Variants in FAM83G observed in about 807,000 individuals in gnomAD.
FAM83G encodes the protein scaffolding CK1 anchoring protein G.
Under a neutral mutation model 61.5 loss-of-function variants are expected in FAM83G, and 38 were observed. The ratio of observed to expected loss-of-function variants is 0.62; its 90% confidence interval spans 0.48 to 0.81. FAM83G has a LOEUF of 0.81. FAM83G is among the 30% of genes least tolerant of loss of function. The pLI is 0.00. For missense variants in FAM83G, 989 were observed against 1,133.6 expected, an observed-to-expected ratio of 0.87 and a Z score of 1.83; for synonymous variants, 470 against 476.1, an observed-to-expected ratio of 0.99 and a Z score of 0.17.
chr17:18,977,661 C>A lies in FAM83G; in HGVS notation c.2005G>T (p.Ala669Ser), dbSNP rs1009729866. Residue 669 changes from alanine to serine, a missense_variant, in exon 5 of 6, where the codon GCC becomes TCC. Coordinates refer to ENST00000388995, the MANE Select transcript of FAM83G (RefSeq NM_001039999.3). ...FVGPQGGSPW[A>S]QSRGREEADA... ...GCTTCTTCTCTTCCCCGACTCTGGG[C>A]CCATGGGGAGCCACCCTGGGGTCCA... 1 of 1,610,146 alleles carries A rather than the reference C, an allele frequency of 6.2e-7. No homozygotes were observed. The highest frequency in any genetic ancestry group is 1.3e-5 in the African/African-American group (1 of 74,928).
chr17:18,969,343 G>T lies in FAM83G; in HGVS notation c.*2016C>A, dbSNP rs1437485538. 1.7e-5 allele frequency: 28 copies of T among 1,613,130 alleles called. No individual in the cohort carries two copies. The highest frequency in any genetic ancestry group is 2.7e-5 in the African/African-American group (2 of 74,906). Reference sequence around the variant, plus strand: ...CAGCAACCTTGCTTCCACTGGCAGGGGGCCTGGCTGCTGTAATCTACACGG... The same window carrying T: ...CAGCAACCTTGCTTCCACTGGCAGGTGGCCTGGCTGCTGTAATCTACACGG... On this transcript the variant is annotated 3_prime_UTR_variant, in exon 6 of 6. Transcript: ENST00000388995.
chr17:18,988,287 T>C lies in FAM83G; in HGVS notation c.650A>G (p.His217Arg), dbSNP rs1212275392. Reference sequence around the variant, plus strand: ...GTGCATGCAGGCCCGCTCACACATGTGCAGGAAGTACTTGACGTTACTCTC... The same window carrying C: ...GTGCATGCAGGCCCGCTCACACATGCGCAGGAAGTACTTGACGTTACTCTC... ...VDESNVKYFL[H>R]MCERACMHLG... The change falls in exon 3 of 6, where the codon CAC becomes CGC. Residue 217 changes from histidine (H) to arginine (R), a missense_variant. This residue lies in a region of FAM83G where 371 missense variants were observed against 404.5 expected (regional missense o/e 0.92). Coordinates refer to ENST00000388995, the MANE Select transcript of FAM83G (RefSeq NM_001039999.3). 1 of 1,614,018 alleles carries C rather than the reference T, an allele frequency of 6.2e-7. No individual in the cohort carries two copies.
At chr17:18,995,402 T>G (rs1434460582) in intron 2 of FAM83G, among the ~76,000 whole-genome samples, 1 of 152,116 alleles carries the variant, frequency 6.6e-6, no homozygotes, top group Non-Finnish European at 1.5e-5. Context: ...TTAGTGAACT[T>G]GAAGACATGT....
chr17:18,969,320 G>A lies in FAM83G; in HGVS notation c.*2039C>T, dbSNP rs1308399968. On this transcript the variant is annotated 3_prime_UTR_variant, in exon 6 of 6. Transcript: ENST00000388995. ...CTCCCTGGGGCCAGGGCCCCCTCCA[G>A]CAACCTTGCTTCCACTGGCAGGGGG... The A allele has an allele frequency of 5.0e-6, 8 of 1,611,682 alleles. No homozygotes were observed. The highest frequency in any genetic ancestry group is 6.8e-6 in the Non-Finnish European group (8 of 1,179,110).
intron 3 of FAM83G, among the ~76,000 whole-genome samples, chr17:18,980,833 C>CCTGAGGT (rs982874666): frequency 2.6e-5 from 4 of 152,124 alleles, no homozygotes; most frequent in African/African-American, 9.7e-5. Flanking sequence ...ACTCAGGAGG[C>CCTGAGGT]CTGAGGTCAG....
In FAM83G at chr17:18,971,150, G is replaced by A. The variant is rs765378838; in HGVS notation, c.*209C>T. 2 of 1,614,038 alleles carry A rather than the reference G, an allele frequency of 1.2e-6. No individual in the cohort carries two copies. The highest frequency in any genetic ancestry group is 8.5e-7 in the Non-Finnish European group (1 of 1,180,038). ...CATGTTTCGAGACCCCCACACAGGGGACCTGCCGTGGACCGGGATGACCTT... is the reference window on the plus strand; with the variant it reads ...CATGTTTCGAGACCCCCACACAGGGAACCTGCCGTGGACCGGGATGACCTT... On this transcript the variant is annotated 3_prime_UTR_variant, in exon 6 of 6. Transcript: ENST00000388995. This position sits in a 1 kb window ranked among gnomAD's most constrained non-coding sequence, Gnocchi z 5.5.
intron 2 of FAM83G, among the ~76,000 whole-genome samples, chr17:19,002,903 A>G (rs2043767156): frequency 6.6e-6 from 1 of 152,080 alleles, no homozygotes; most frequent in Non-Finnish European, 1.5e-5. Context: ...GACTCACTCC[A>G]CTTCCACAGA....
At position 18,969,345 on chromosome 17, in the gene FAM83G, G is replaced by C; in HGVS notation, c.*2014C>G. The stretch of plus-strand genomic sequence containing the variant: ...GCAACCTTGCTTCCACTGGCAGGGG[G>C]CCTGGCTGCTGTAATCTACACGGAC... On this transcript the variant is annotated 3_prime_UTR_variant, in exon 6 of 6. Coordinates refer to ENST00000388995, the MANE Select transcript of FAM83G (RefSeq NM_001039999.3). 2 of 1,613,226 alleles carry C rather than the reference G, an allele frequency of 1.2e-6. No individual in the cohort carries two copies. The highest frequency in any genetic ancestry group is 1.7e-6 in the Non-Finnish European group (2 of 1,179,898).
In FAM83G at chr17:18,969,707, G is replaced by A. The variant is rs1567783794; in HGVS notation, c.*1652C>T. ...ACTCAGGGCCAGCCACACCCGCATT[G>A]GCTCAGCGCTTGATGGTGAGGTGGG... On this transcript the variant is annotated 3_prime_UTR_variant, in exon 6 of 6. Coordinates refer to ENST00000388995, the MANE Select transcript of FAM83G (RefSeq NM_001039999.3). 2.6e-6 allele frequency: 1 copy of A among 389,460 alleles called. No individual in the cohort carries two copies. The highest frequency in any genetic ancestry group is 7.3e-5 in the South Asian group (1 of 13,670). 24.1% of individuals were successfully genotyped at this position (389,460 alleles called of 1,614,324 possible).
rs547074917 is a variant in FAM83G at position 18,981,074 on chromosome 17, C to T, written c.691-1401G>A. ...CATTCACATAGTCATCAACCCCTGC[C>T]GAGGCCTCCAGCTGCAGAGATGCCT... is the stretch of plus-strand genomic sequence containing the variant. On this transcript the variant is annotated intron_variant, in intron 3 of 5. Coordinates refer to ENST00000388995, the MANE Select transcript of FAM83G (RefSeq NM_001039999.3). 7.0e-4 allele frequency among the ~76,000 whole-genome samples: 106 copies of T among 152,338 alleles called. 1 individual carries two copies. The highest frequency in any genetic ancestry group is 2.4e-3 in the African/African-American group (100 of 41,566).
chr17:18,971,515 A>G lies in FAM83G; in HGVS notation c.2316T>C (p.Asp772=), dbSNP rs371955365. 84 of 1,613,840 alleles carry G rather than the reference A, an allele frequency of 5.2e-5. No homozygotes were observed. The highest frequency in any genetic ancestry group is 1.6e-4 in the Middle Eastern group (1 of 6,084). The change falls in exon 6 of 6, where the codon GAT becomes GAC. Residue 772 remains aspartate (D), a synonymous_variant. Coordinates refer to ENST00000388995, the MANE Select transcript of FAM83G (RefSeq NM_001039999.3). The surrounding 1 kb of genome is among the most constrained non-coding windows in gnomAD (Gnocchi z 5.5). The part of the protein sequence containing the change: ...RLAQNARPMT[D]GRATEEHPSP... Reference sequence around the variant, plus strand: ...TCGGATGCTCCTCGGTGGCCCTGCCATCGGTCATGGGGCGGGCATTTTGGG... The same window carrying G: ...TCGGATGCTCCTCGGTGGCCCTGCCGTCGGTCATGGGGCGGGCATTTTGGG...
At position 18,978,774 on chromosome 17, in the gene FAM83G, G is replaced by A. The variant is rs200114724; in HGVS notation, c.892C>T (p.Arg298Trp). The change falls in exon 5 of 6, where the codon CGG (arginine) becomes TGG (tryptophan). Residue 298 changes from arginine to tryptophan, a missense_variant. Arg to Trp is a moderately radical substitution (Grantham distance 101). Around this residue, in one of 3 missense-constraint regions of FAM83G, gnomAD observed 44 missense variants for 83.9 expected, o/e 0.52. Transcript: ENST00000388995. Reference sequence around the variant, plus strand: ...ATGAGGTACAGCTCCTGGAACTGCCGGTCAAACATCTCCACCACCTGGCCA... The same window carrying A: ...ATGAGGTACAGCTCCTGGAACTGCCAGTCAAACATCTCCACCACCTGGCCA... Reference protein sequence around the residue: ...LSGQVVEMFDRQFQELYLMSH... With the variant: ...LSGQVVEMFDWQFQELYLMSH... The A allele has an allele frequency of 1.1e-4, 181 of 1,612,842 alleles. No individual in the cohort carries two copies. The highest frequency in any genetic ancestry group is 1.1e-3 in the Admixed American group (63 of 59,990).
chr17:18,999,887 G>C (rs1269550199), intron 2 of FAM83G, among the ~76,000 whole-genome samples: 2 of 152,238 alleles, frequency 1.3e-5, no homozygotes, highest in African/African-American at 4.8e-5. Context: ...TCCCTGCCCT[G>C]GGGCCTCACC....
At position 18,977,667 on chromosome 17, in the gene FAM83G, G is replaced by A. The variant is rs745395779; in HGVS notation, c.1999C>T (p.Pro667Ser). The A allele has an allele frequency of 1.9e-6, 3 of 1,610,432 alleles. No homozygotes were observed. The highest frequency in any genetic ancestry group is 8.5e-7 in the Non-Finnish European group (1 of 1,179,942). The change falls in exon 5 of 6, where the codon CCA (proline) becomes TCA (serine). Residue 667 changes from proline to serine, a missense_variant. Around this residue, in one of 3 missense-constraint regions of FAM83G, gnomAD observed 574 missense variants for 645.1 expected, o/e 0.89. Coordinates refer to ENST00000388995, the MANE Select transcript of FAM83G (RefSeq NM_001039999.3). Reference protein sequence around the residue: ...GTFVGPQGGSPWAQSRGREEA... With the variant: ...GTFVGPQGGSSWAQSRGREEA... ...TCTCTTCCCCGACTCTGGGCCCATG[G>A]GGAGCCACCCTGGGGTCCAACAAAG... is the stretch of plus-strand genomic sequence containing the variant.
chr17:18,976,766 T>C (rs2042989739), intron 5 of FAM83G: 17 of 1,530,488 alleles, frequency 1.1e-5, no homozygotes, highest in Non-Finnish European at 1.3e-5. Flanking sequence ...TCGTGCCTCA[T>C]GCCCATTCCC....
At position 19,003,277 on chromosome 17, in the gene FAM83G, G is replaced by C. The variant is rs184620003; in HGVS notation, c.522+243C>G. ...CAGAAACACCCTCCAACAATAAAGA[G>C]GCCCTTTGAGACGGGGCAGCCCACT... On this transcript the variant is annotated intron_variant, in intron 2 of 5. Transcript: ENST00000388995. This position sits in a 1 kb window ranked among gnomAD's most constrained non-coding sequence, Gnocchi z 4.5. Among the ~76,000 whole-genome samples the C allele has an allele frequency of 7.2e-4, 109 of 151,664 alleles. 3 individuals are homozygous for C. The South Asian group carries it at 0.012, about 17-fold the overall frequency.
At chr17:18,983,386 G>A (rs900820170) in intron 3 of FAM83G, among the ~76,000 whole-genome samples, 1 of 152,280 alleles carries the variant, frequency 6.6e-6, no homozygotes, top group African/African-American at 2.4e-5. Flanking sequence ...CACCAGGACA[G>A]CCTGTGCTGG....
Position 19,003,467 on chromosome 17 carries a change from G to A in FAM83G, c.522+53C>T. 9 of 1,495,960 alleles carry A rather than the reference G, an allele frequency of 6.0e-6. No individual in the cohort carries two copies. Among genetic ancestry groups the A allele is most frequent in the Non-Finnish European group, 8.0e-6 (9 of 1,122,530 alleles). 92.7% of individuals were successfully genotyped at this position (1,495,960 alleles called of 1,614,324 possible). ...GGCTCTGAGTGAGCCTGTATTGAGA[G>A]GGGTCCGGTGGCTGGTTGGGCCATG... is the stretch of plus-strand genomic sequence containing the variant. On this transcript the variant is annotated intron_variant, in intron 2 of 5. Transcript: ENST00000388995. This position sits in a 1 kb window ranked among gnomAD's most constrained non-coding sequence, Gnocchi z 4.5.
Position 19,002,406 on chromosome 17 carries a change from C to T in FAM83G, c.522+1114G>A, listed in dbSNP as rs549722128. The stretch of plus-strand genomic sequence containing the variant: ...GGCCACCTCACCAGTTCTTGACCCA[C>T]GTCTGGTTTCTCTGCCCACGAACTT... On this transcript the variant is annotated intron_variant, in intron 2 of 5. Transcript: ENST00000388995. 5.1e-4 allele frequency among the ~76,000 whole-genome samples: 78 copies of T among 152,340 alleles called. No individual in the cohort carries two copies. The South Asian group carries it at 0.015, about 30-fold the overall frequency.
Sources: allele counts gnomAD v4.1 joint callset (sites outside exome capture counted in the v4.1 genomes callset), GRCh38; gene constraint gnomAD v4.1.1; regional missense constraint gnomAD v4.1.1; non-coding constraint Gnocchi (gnomAD v3.1); transcripts MANE v1.5; gene names NCBI Gene and HGNC (gene_info 2026-07-23, HGNC 2026-07-21).